Variants in IDO2 observed in about 807,000 individuals in gnomAD.
IDO2 encodes indoleamine 2,3-dioxygenase 2, also known as indoleamine 2,3-dioxygenase-like 1 protein.
IDO2 carries 46 observed loss-of-function variants against 45.1 expected under a neutral mutation model. The ratio of observed to expected loss-of-function variants is 1.02; its 90% confidence interval spans 0.80 to 1.30. The LOEUF (loss-of-function observed/expected upper bound fraction) is 1.30, where lower values mean the gene tolerates loss of function less well. Ranked by LOEUF, IDO2 falls within the 50% of genes most tolerant of loss-of-function variation. The pLI is 0.00. For synonymous variants in IDO2, 218 were observed against 184.9 expected, an observed-to-expected ratio of 1.18 and a Z score of -1.45; for missense variants, 544 against 491.8, an observed-to-expected ratio of 1.11 and a Z score of -1.00.
At chr8:39,957,455 A>C (rs554550650) in intron 2 of IDO2, among the ~76,000 whole-genome samples, 3 of 152,060 alleles carry the variant, frequency 2.0e-5, no homozygotes, top group Admixed American at 2.0e-4. Context: ...CTACAAAAAT[A>C]AAAAAGAATT....
chr8:39,972,787 C>T (rs1808200253), intron 3 of IDO2, among the ~76,000 whole-genome samples: 1 of 152,046 alleles, frequency 6.6e-6, no homozygotes. Context: ...AGTAAGTAGC[C>T]ATCAGCATCA....
At chr8:40,007,819 G>A (rs1233941870) in intron 9 of IDO2, among the ~76,000 whole-genome samples, 5 of 152,102 alleles carry the variant, frequency 3.3e-5, no homozygotes, top group Non-Finnish European at 7.4e-5. Context: ...ATTTAGGGTC[G>A]CAAAAGGCCG....
At chr8:39,961,863 C>T (rs1380379963) in intron 2 of IDO2, among the ~76,000 whole-genome samples, 4 of 152,206 alleles carry the variant, frequency 2.6e-5, no homozygotes. Context: ...TCCTCTTCTT[C>T]TTAGCCCAAA....
At chr8:39,989,742 G>C in exon 8 of IDO2, 1 of 1,597,234 alleles carries the variant, frequency 6.3e-7, no homozygotes, top group Non-Finnish European at 8.5e-7. Context: ...GGCCACGAAT[G>C]CTATCTTGCA....
chr8:39,968,731 G>A (rs1808134225), intron 3 of IDO2, among the ~76,000 whole-genome samples: 1 of 151,888 alleles, frequency 6.6e-6, no homozygotes, highest in African/African-American at 2.4e-5. Context: ...GCTAGGGGAG[G>A]GAGAGCATTA....
chr8:39,981,722 A>G (rs1808355896), intron 4 of IDO2, among the ~76,000 whole-genome samples: 1 of 152,192 alleles, frequency 6.6e-6, no homozygotes, highest in African/African-American at 2.4e-5. Flanking sequence ...GAAAAAATTC[A>G]AGGGAAAAAT....
intron 10 of IDO2, 115 bp from the exon 11 acceptor site, chr8:40,015,132 G>A (rs1802367105): frequency 1.5e-6 from 1 of 652,966 alleles, no homozygotes; most frequent in South Asian, 2.1e-5. Context: ...TCCAGCCTGG[G>A]CAACAGAGCA....
chr8:39,957,745 T>C (rs1054930922), intron 2 of IDO2, among the ~76,000 whole-genome samples: 2 of 152,232 alleles, frequency 1.3e-5, no homozygotes, highest in African/African-American at 2.4e-5. Context: ...TTTGATGCAA[T>C]GTCAGAACAG....
At chr8:39,949,117 C>G in intron 1 of IDO2, 32 bp from the exon 2 acceptor site, 1 of 1,567,512 alleles carries the variant, frequency 6.4e-7, no homozygotes, top group South Asian at 1.2e-5. Context: ...TTATTAGGAA[C>G]AATTGATTCT....
At position 39,949,796 on chromosome 8, in the gene IDO2, T is replaced by G. The variant is rs554237780; in HGVS notation, c.99+532T>G. Among the ~76,000 whole-genome samples the G allele has an allele frequency of 2.6e-4, 40 of 152,308 alleles. No homozygotes were observed. In the East Asian group the frequency reaches 3.5e-3, roughly 13 times the overall value. ...TTGATGTAAATTAGTTTATCTTGACTTGCTAATGGTAGAAAAAAAGAGAAC... is the reference window on the plus strand; with the variant it reads ...TTGATGTAAATTAGTTTATCTTGACGTGCTAATGGTAGAAAAAAAGAGAAC... On this transcript the variant is annotated intron_variant, in intron 2 of 10. Coordinates refer to ENST00000502986, the Ensembl canonical transcript of IDO2.
At chr8:39,949,055 T>C (rs1279225193) in intron 1 of IDO2, 94 bp from the exon 2 acceptor site, 21 of 1,505,998 alleles carry the variant, frequency 1.4e-5, no homozygotes, top group Non-Finnish European at 1.8e-5. Flanking sequence ...CTCCTGTGCC[T>C]GAGACACTGC....
chr8:39,992,001 A>T (rs546177413), intron 8 of IDO2, among the ~76,000 whole-genome samples: 126 of 152,198 alleles, frequency 8.3e-4, no homozygotes, highest in Non-Finnish European at 1.1e-3. Context: ...TCCCACACAG[A>T]CATAATTTCG....
At chr8:40,011,429 T>C (rs1283192969) in intron 9 of IDO2, among the ~76,000 whole-genome samples, 1 of 152,194 alleles carries the variant, frequency 6.6e-6, no homozygotes, top group Non-Finnish European at 1.5e-5. Context: ...CCAACAGCAG[T>C]TATGTCTTTC....
intron 3 of IDO2, among the ~76,000 whole-genome samples, chr8:39,968,416 CTG>C (rs1428085296): frequency 1.3e-5 from 2 of 152,102 alleles, no homozygotes; most frequent in African/African-American, 4.8e-5. Flanking sequence ...CATGATGAAA[CTG>C]TTTTATATGG....
chr8:39,955,096 G>C (rs1411768392), intron 2 of IDO2, among the ~76,000 whole-genome samples: 1 of 150,466 alleles, frequency 6.6e-6, no homozygotes, highest in Non-Finnish European at 1.5e-5. Context: ...TTAGGTACTA[G>C]GGCTAGGGCT....
chr8:39,976,844 G>T (rs1056956256), intron 3 of IDO2, among the ~76,000 whole-genome samples: 1 of 152,068 alleles, frequency 6.6e-6, no homozygotes, highest in Non-Finnish European at 1.5e-5. Flanking sequence ...TTTTTAGTCC[G>T]ATATTATTTC....
At chr8:39,985,293 C>G in intron 5 of IDO2, 1 of 566,722 alleles carries the variant, frequency 1.8e-6, no homozygotes, top group Non-Finnish European at 3.1e-6. Context: ...GGAAATGTCG[C>G]TCACCCTTTA....
intron 8 of IDO2, among the ~76,000 whole-genome samples, chr8:40,002,033 G>A (rs974297024): frequency 6.6e-6 from 1 of 151,800 alleles, no homozygotes; most frequent in Non-Finnish European, 1.5e-5. Flanking sequence ...TGATCCACCT[G>A]TCTCAGCCTC....
At chr8:39,956,995 C>A (rs2543086) in intron 2 of IDO2, among the ~76,000 whole-genome samples, 136,814 of 142,360 alleles carry the variant, frequency 0.96, 65,781 homozygotes, top group East Asian at 1. Flanking sequence ...GTGAACCGAG[C>A]TCACACAAGT....
Sources: gnomAD v4.1 joint callset for allele counts (sites outside exome capture counted in the v4.1 genomes callset) on GRCh38, gnomAD v4.1.1 for gene constraint, MANE v1.5 for transcripts, NCBI Gene and HGNC (gene_info 2026-07-23, HGNC 2026-07-21) for gene names.